ST3GAL6: variants seen among roughly 807,000 people sequenced by gnomAD.
ST3GAL6 encodes the protein type 2 lactosamine alpha-2,3-sialyltransferase.
A neutral mutation model predicts 40.5 loss-of-function variants in ST3GAL6; 31 were observed. The ratio of observed to expected loss-of-function variants is 0.77; its 90% CI spans 0.58 to 1.03. The LOEUF (loss-of-function observed/expected upper bound fraction) is 1.03, where lower values mean the gene tolerates loss of function less well. Among genes scored for constraint, ST3GAL6 ranks in the 50% least tolerant of loss-of-function variants. The pLI, the probability that ST3GAL6 is intolerant of heterozygous loss-of-function variation, is 0.00. For missense variants in ST3GAL6, 357 were observed against 393.2 expected (o/e 0.91, Z 0.78); for synonymous variants, 129 against 136.9 (o/e 0.94, Z 0.40).
chr3:98,782,117 G>A, intron 5 of ST3GAL6: 3 of 646,230 alleles, frequency 4.6e-6, no homozygotes, highest in South Asian at 3.6e-5. Flanking sequence ...CCACAGCAGA[G>A]AGCCTTTGAT....
intron 4 of ST3GAL6, 133 bp downstream of exon 4, chr3:98,773,049 G>T: frequency 1.8e-6 from 1 of 557,234 alleles, no homozygotes. Context: ...ATTTTGGGAT[G>T]GAATGAAATG....
At chr3:98,750,234 C>T (rs943231042) in intron 1 of ST3GAL6, among the ~76,000 whole-genome samples, 7 of 152,180 alleles carry the variant, frequency 4.6e-5, no homozygotes, top group Admixed American at 1.3e-4. Flanking sequence ...AATAAGGTCA[C>T]CATTCTTCTA....
chr3:98,756,144 T>C (rs1377871738), intron 1 of ST3GAL6, among the ~76,000 whole-genome samples: 1 of 152,208 alleles, frequency 6.6e-6, no homozygotes, highest in Non-Finnish European at 1.5e-5. Flanking sequence ...CTGGGTCCTT[T>C]GGAAAGCCAG....
At chr3:98,756,623 C>A in intron 1 of ST3GAL6, 1 of 1,068,454 alleles carries the variant, frequency 9.4e-7, no homozygotes, top group Non-Finnish European at 1.2e-6. Context: ...CAATGCTTCT[C>A]TTGTGGGTGA....
At chr3:98,781,495 T>A (rs1191879075) in intron 5 of ST3GAL6, among the ~76,000 whole-genome samples, 1 of 150,230 alleles carries the variant, frequency 6.7e-6, no homozygotes, top group Non-Finnish European at 1.5e-5. Context: ...AAAAATAGAC[T>A]GAGCTGAGTA....
At chr3:98,768,676 C>T in intron 2 of ST3GAL6, 147 bp downstream of exon 2, 2 of 633,536 alleles carry the variant, frequency 3.2e-6, no homozygotes, top group South Asian at 1.9e-5. Context: ...TTTACCATTC[C>T]AGTATCCTAT....
intron 1 of ST3GAL6, among the ~76,000 whole-genome samples, chr3:98,767,790 A>G (rs1299879508): frequency 6.6e-6 from 1 of 152,200 alleles, no homozygotes; most frequent in Non-Finnish European, 1.5e-5. Context: ...GCAAATGTGT[A>G]ATGAATAATA....
upstream of ST3GAL6, chr3:98,762,835 G>C (rs1937931005): frequency 2.0e-6 from 2 of 985,182 alleles, no homozygotes; most frequent in African/African-American, 3.5e-5. Flanking sequence ...ATCTAGCATG[G>C]GGATGAAAAT....
At chr3:98,732,785 G>A in intron 1 of ST3GAL6, 7 of 1,363,672 alleles carry the variant, frequency 5.1e-6, no homozygotes, top group Non-Finnish European at 6.8e-6. Context: ...AGATCCGCGG[G>A]GAAGGAATCG....
chr3:98,745,236 G>A (rs554568212), intron 1 of ST3GAL6, among the ~76,000 whole-genome samples: 3 of 152,134 alleles, frequency 2.0e-5, no homozygotes, highest in Non-Finnish European at 4.4e-5. Flanking sequence ...GTTTCACCAT[G>A]TTGGTCAGGT....
intron 2 of ST3GAL6, among the ~76,000 whole-genome samples, chr3:98,769,249 G>T (rs1443999543): frequency 6.6e-6 from 1 of 152,156 alleles, no homozygotes; most frequent in Non-Finnish European, 1.5e-5. Context: ...AAAAGCTGAT[G>T]CTTCTGCATT....
At chr3:98,760,749 G>A (rs1406828069), upstream of ST3GAL6, among the ~76,000 whole-genome samples, 3 of 152,170 alleles carry the variant, frequency 2.0e-5, no homozygotes, top group African/African-American at 7.2e-5. Flanking sequence ...CCAAGAAGTT[G>A]CACTTGAATG....
chr3:98,766,405 CTTTTTTTTTTTTTTTTTTTT>C (rs369996406), intron 1 of ST3GAL6, among the ~76,000 whole-genome samples: 4 of 104,104 alleles, frequency 3.8e-5, no homozygotes, highest in Non-Finnish European at 5.6e-5. Context: ...AAATGTCATT[CTTTTTTTTTTTTTTTTTTTT>C]TTTTTTTTTT....
At chr3:98,738,631 A>G (rs1007394131) in intron 1 of ST3GAL6, among the ~76,000 whole-genome samples, 2 of 152,226 alleles carry the variant, frequency 1.3e-5, no homozygotes, top group South Asian at 2.1e-4. Context: ...TGGGCAATAC[A>G]TAATGATAAA....
chr3:98,763,533 T>C (rs1250659324), intron 1 of ST3GAL6, 94 bp downstream of exon 1: 1 of 1,170,462 alleles, frequency 8.5e-7, no homozygotes, highest in Non-Finnish European at 1.1e-6. Context: ...CCACAGGCTG[T>C]GTGGAGGTAG....
chr3:98,732,721 C>A, intron 1 of ST3GAL6: 1 of 809,718 alleles, frequency 1.2e-6, no homozygotes, highest in Non-Finnish European at 1.8e-6. Flanking sequence ...GGGATTGGGG[C>A]TGGCGGGAGC....
At chr3:98,777,728 G>T (rs1282816317) in intron 5 of ST3GAL6, among the ~76,000 whole-genome samples, 5 of 151,234 alleles carry the variant, frequency 3.3e-5, no homozygotes, top group Non-Finnish European at 7.4e-5. Flanking sequence ...TGAGTTCAGT[G>T]CATCTTTTTT....
At chr3:98,742,387 G>A (rs144615296) in intron 1 of ST3GAL6, among the ~76,000 whole-genome samples, 2 of 152,200 alleles carry the variant, frequency 1.3e-5, no homozygotes, top group South Asian at 2.1e-4. Context: ...CACCCTAACC[G>A]CAAGAGCTTA....
Position 98,793,806 on chromosome 3 carries a change from T to C in ST3GAL6, c.*45T>C. 1 of 1,265,156 alleles carries C rather than the reference T, an allele frequency of 7.9e-7. No individual in the cohort carries two copies. Among genetic ancestry groups the C allele is most frequent in the Non-Finnish European group, 1.1e-6 (1 of 898,494 alleles). The allele number at this position is 1,265,156 out of a possible 1,614,324, so 78.4% of individuals were successfully genotyped here. A position where few individuals can be genotyped will look rare whatever the true frequency, so the allele number is the denominator to read the frequency against. On this transcript the variant is annotated 3_prime_UTR_variant, in exon 10 of 10. Transcript: ENST00000483910. ...GATGCTAACAGTGTTAGTTTTATTTTTGTACTGCAATTTTTAGTTTAAAAT... is the reference window on the plus strand; with the variant it reads ...GATGCTAACAGTGTTAGTTTTATTTCTGTACTGCAATTTTTAGTTTAAAAT...
Sources: gnomAD v4.1 joint callset for allele counts (sites outside exome capture counted in the v4.1 genomes callset) on GRCh38, gnomAD v4.1.1 for gene constraint, MANE v1.5 for transcripts, NCBI Gene and HGNC (gene_info 2026-07-23, HGNC 2026-07-21) for gene names.